Variants in GPC6 observed in about 807,000 individuals in gnomAD.
GPC6 encodes the protein glypican 6, also known as glypican-6.
Under a neutral mutation model 55.2 loss-of-function variants are expected in GPC6, and 14 were observed. The ratio of observed to expected loss-of-function variants is 0.25; its 90% CI spans 0.17 to 0.40. GPC6 has a LOEUF of 0.40. Ranked by LOEUF, GPC6 falls within the 10% of genes least tolerant of loss-of-function variation. The pLI is 1.00. For synonymous variants in GPC6, 278 were observed against 259.6 expected (o/e 1.07, Z -0.68); for missense variants, 641 against 708.5 (o/e 0.90, Z 1.08).
Position 93,372,811 on chromosome 13 carries a change from A to G in GPC6, c.160+145195A>G, listed in dbSNP as rs370176564. ...GGTAAAGAAGATTTAAACTGAGTCT[A>G]TTAGCCTGTATCTGAGAGGTAGCTG... On this transcript the variant is annotated intron_variant, in intron 1 of 8. Coordinates refer to ENST00000377047, the MANE Select transcript of GPC6 (RefSeq NM_005708.5). Among the ~76,000 whole-genome samples the G allele has an allele frequency of 1.6e-4, 24 of 152,320 alleles. No homozygotes were observed. In the South Asian group the frequency reaches 4.1e-3, roughly 26 times the overall value.
intron 3 of GPC6, among the ~76,000 whole-genome samples, chr13:93,966,396 C>T (rs374242559): frequency 6.6e-6 from 1 of 152,170 alleles, no homozygotes; most frequent in African/African-American, 2.4e-5. Flanking sequence ...ACAGGGTAGA[C>T]TTTTCTTTTG....
intron 3 of GPC6, among the ~76,000 whole-genome samples, chr13:93,893,796 T>G (rs1875831367): frequency 1.3e-5 from 2 of 152,232 alleles, no homozygotes; most frequent in African/African-American, 2.4e-5. Context: ...CTCTAAAATA[T>G]CAGACTTCTC....
In GPC6 at chr13:94,403,129, T is replaced by C; in HGVS notation, c.1580T>C (p.Val527Ala). Residue 527 changes from valine (V) to alanine (A), a missense_variant, in exon 9 of 9, where the codon GTG (valine) becomes GCG (alanine). Coordinates refer to ENST00000377047, the MANE Select transcript of GPC6 (RefSeq NM_005708.5). ...APAVDPDRRE[V>A]DSSAAQRGHS... ...GCAGTGGATCCCGACCGGAGAGAGG[T>C]GGACTCTTCTGCAGCCCAGCGTGGC... The C allele has an allele frequency of 1.2e-6, 2 of 1,613,722 alleles. No individual in the cohort carries two copies. The highest frequency in any genetic ancestry group is 1.7e-6 in the Non-Finnish European group (2 of 1,179,706).
intron 1 of GPC6, among the ~76,000 whole-genome samples, chr13:93,377,966 T>C (rs969470744): frequency 1.3e-5 from 2 of 152,184 alleles, no homozygotes; most frequent in East Asian, 3.9e-4. Flanking sequence ...GGAATAACAT[T>C]TTCAAGTGAA....
At chr13:93,976,669 A>G (rs1488186355) in intron 3 of GPC6, among the ~76,000 whole-genome samples, 2 of 151,362 alleles carry the variant, frequency 1.3e-5, no homozygotes, top group South Asian at 2.1e-4. Flanking sequence ...TGCTGTGACT[A>G]GAAGCTCATG....
At chr13:94,273,009 A>G (rs1892095273) in intron 4 of GPC6, among the ~76,000 whole-genome samples, 1 of 152,136 alleles carries the variant, frequency 6.6e-6, no homozygotes, top group South Asian at 2.1e-4. Flanking sequence ...GGATGATGAT[A>G]AGTCATATCT....
At chr13:93,385,212 T>G (rs1196552085) in intron 1 of GPC6, among the ~76,000 whole-genome samples, 5 of 151,920 alleles carry the variant, frequency 3.3e-5, no homozygotes, top group African/African-American at 9.7e-5. Context: ...AGCTCCGAGG[T>G]GGGCATGATC....
At chr13:93,856,719 T>C (rs1888624985) in intron 3 of GPC6, among the ~76,000 whole-genome samples, 1 of 151,600 alleles carries the variant, frequency 6.6e-6, no homozygotes, top group Non-Finnish European at 1.5e-5. Context: ...GTGGTGGACA[T>C]GTTTGAGGTG....
intron 5 of GPC6, among the ~76,000 whole-genome samples, chr13:94,288,805 G>A (rs867776898): frequency 5.9e-5 from 4 of 68,232 alleles, no homozygotes; most frequent in African/African-American, 1.6e-4. Context: ...ATATATATTT[G>A]TTATATATAA....
intron 6 of GPC6, among the ~76,000 whole-genome samples, chr13:94,332,068 G>A (rs1877455072): frequency 6.6e-6 from 1 of 152,206 alleles, no homozygotes; most frequent in Admixed American, 6.5e-5. Flanking sequence ...GAAGGGAGAG[G>A]TGGATAAGAG....
the GPC6 span, among the ~76,000 whole-genome samples, chr13:93,218,708 T>C: frequency 2.6e-5 from 4 of 152,224 alleles, no homozygotes; most frequent in African/African-American, 9.6e-5. Flanking sequence ...TCTGGCCATA[T>C]GGCAGAGTTG....
chr13:93,300,434 G>T (rs1878635033), intron 1 of GPC6, among the ~76,000 whole-genome samples: 1 of 149,536 alleles, frequency 6.7e-6, no homozygotes, highest in African/African-American at 2.5e-5. Context: ...GGATCACGAG[G>T]TCAGGAGATT....
At chr13:93,928,024 T>C (rs1023608847) in intron 3 of GPC6, among the ~76,000 whole-genome samples, 4 of 152,066 alleles carry the variant, frequency 2.6e-5, no homozygotes, top group African/African-American at 9.7e-5. Flanking sequence ...GTATGGGCAA[T>C]TAGTGGAATT....
chr13:93,505,612 TCAG>T (rs1880684220), intron 1 of GPC6, among the ~76,000 whole-genome samples: 3 of 152,114 alleles, frequency 2.0e-5, no homozygotes, highest in African/African-American at 7.2e-5. Flanking sequence ...AGACAGCAGT[TCAG>T]CACTACAGCT....
At chr13:94,321,488 C>A (rs1338539652) in intron 6 of GPC6, among the ~76,000 whole-genome samples, 1 of 152,184 alleles carries the variant, frequency 6.6e-6, no homozygotes, top group Non-Finnish European at 1.5e-5. Context: ...TGAGAAATTG[C>A]CACGCTGCTT....
rs756473170 is a variant in GPC6, at chr13:93,227,661, C to T, written c.160+45C>T. On this transcript the variant is annotated intron_variant, in intron 1 of 8. Coordinates refer to ENST00000377047, the MANE Select transcript of GPC6 (RefSeq NM_005708.5). This position sits in a 1 kb window ranked among gnomAD's most constrained non-coding sequence, Gnocchi z 4.3. ...AGGGGCAGGCTGCAGCCCTCGGCTG[C>T]CGCACGTCCCACTGGCCGCCCGGCG... 2.0e-5 allele frequency: 30 copies of T among 1,500,788 alleles called. No individual in the cohort carries two copies. Among genetic ancestry groups the T allele is most frequent in the Non-Finnish European group, 2.6e-5 (29 of 1,109,768 alleles). 93.0% of individuals were successfully genotyped at this position (1,500,788 alleles called of 1,614,324 possible). A position where few individuals can be genotyped will look rare whatever the true frequency, so the allele number is the denominator to read the frequency against.
At chr13:93,774,969 G>A (rs1885420578) in intron 2 of GPC6, among the ~76,000 whole-genome samples, 1 of 152,100 alleles carries the variant, frequency 6.6e-6, no homozygotes, top group Admixed American at 6.6e-5. Flanking sequence ...GAAACAAAGG[G>A]TGAGAAAAGG....
chr13:93,492,631 C>T (rs914760496), intron 1 of GPC6, among the ~76,000 whole-genome samples: 2 of 150,338 alleles, frequency 1.3e-5, no homozygotes, highest in Admixed American at 1.3e-4. Context: ...TAGTTTTTGC[C>T]CATTCGGTAT....
At chr13:93,421,820 T>C (rs1354048770) in intron 1 of GPC6, among the ~76,000 whole-genome samples, 3 of 152,180 alleles carry the variant, frequency 2.0e-5, no homozygotes, top group Non-Finnish European at 4.4e-5. Context: ...TTTTATTAGC[T>C]TGAAGACCTG....
Sources: gnomAD v4.1 joint callset for allele counts (sites outside exome capture counted in the v4.1 genomes callset) on GRCh38, gnomAD v4.1.1 for gene constraint, Gnocchi (gnomAD v3.1) non-coding constraint, MANE v1.5 for transcripts, NCBI Gene and HGNC (gene_info 2026-07-23, HGNC 2026-07-21) for gene names.